TTC29: variants seen among roughly 807,000 people sequenced by gnomAD.
TTC29 encodes tetratricopeptide repeat domain 29.
TTC29 carries 49 observed loss-of-function variants against 58.1 expected under a neutral mutation model. The observed-to-expected ratio is 0.84, with a 90% CI of 0.67 to 1.07. The LOEUF is 1.07. TTC29 is among the 50% of genes least tolerant of loss of function. TTC29 has a pLI of 0.00. For synonymous variants in TTC29, 209 were observed against 196.8 expected (o/e 1.06, Z -0.52); for missense variants, 582 against 555.6 (o/e 1.05, Z -0.48).
rs183392107 is a variant in TTC29 at position 146,893,571 on chromosome 4, A to G, written c.586+9973T>C. ...AGACTTAAATGTTAGACCTGAAACC[A>G]TAAAAACCCTGGAAGAAAACCTAGG... On this transcript the variant is annotated intron_variant, in intron 6 of 12. Transcript: ENST00000325106. Among the ~76,000 whole-genome samples the G allele has an allele frequency of 1.3e-3, 194 of 152,326 alleles. 3 individuals carry two copies. Among genetic ancestry groups the G allele is most frequent in the Admixed American group, 0.012 (179 of 15,300 alleles).
At chr4:146,919,583 A>T (rs1001632285) in intron 4 of TTC29, among the ~76,000 whole-genome samples, 2 of 150,910 alleles carry the variant, frequency 1.3e-5, no homozygotes, top group Non-Finnish European at 3.0e-5. Flanking sequence ...TTAACAAAAA[A>T]CTCCATAGAA....
chr4:146,853,073 C>T (rs1579831790), intron 8 of TTC29, among the ~76,000 whole-genome samples: 1 of 151,934 alleles, frequency 6.6e-6, no homozygotes, highest in East Asian at 1.9e-4. Context: ...TATGTAAAAC[C>T]TATTAAAAAC....
Position 146,752,339 on chromosome 4 carries a change from A to AGGAATCCAACTT in TTC29, c.1331-44789_1331-44788insAAGTTGGATTCC, listed in dbSNP as rs1554009347. Among the ~76,000 whole-genome samples, 3 of 40,036 alleles carry AGGAATCCAACTT rather than the reference A, an allele frequency of 7.5e-5. 1 individual carries two copies. The African/African-American group carries it at 9.9e-4, about 13-fold the overall frequency. 26.3% of individuals were successfully genotyped at this position (40,036 alleles called of 152,430 possible). A position where few individuals can be genotyped will look rare whatever the true frequency, so the allele number is the denominator to read the frequency against. On this transcript the variant is annotated intron_variant, in intron 11 of 12. Coordinates refer to ENST00000325106, the MANE Select transcript of TTC29 (RefSeq NM_031956.4). The stretch of plus-strand genomic sequence containing the variant: ...ACAATTGCTTCAAACAGAATAAAAT[A>AGGAATCCAACTT]ACAAGGGATGTGAAGGACCTCTTCA...
In TTC29 at chr4:146,917,639, A is replaced by G. The variant is rs979017323; in HGVS notation, c.177-8390T>C. On this transcript the variant is annotated intron_variant, in intron 4 of 12. Coordinates refer to ENST00000325106, the MANE Select transcript of TTC29 (RefSeq NM_031956.4). Reference sequence around the variant, plus strand: ...TATATAATTAGATATTATATAAATTATATATTATATATTTATATAAAATTA... The same window carrying G: ...TATATAATTAGATATTATATAAATTGTATATTATATATTTATATAAAATTA... Among the ~76,000 whole-genome samples the G allele has an allele frequency of 2.3e-4, 34 of 145,040 alleles. No homozygotes were observed. In the East Asian group the frequency reaches 6.9e-3, roughly 30 times the overall value.
intron 11 of TTC29, among the ~76,000 whole-genome samples, chr4:146,727,007 C>T (rs141618904): frequency 2.0e-5 from 3 of 151,868 alleles, no homozygotes; most frequent in African/African-American, 7.2e-5. Context: ...CCTCTAGAGG[C>T]AACCACTGTT....
At chr4:146,716,391 T>C (rs892669770) in intron 11 of TTC29, among the ~76,000 whole-genome samples, 3 of 152,154 alleles carry the variant, frequency 2.0e-5, no homozygotes, top group Non-Finnish European at 2.9e-5. Context: ...CTCTGTACTT[T>C]AGAACAGAGA....
At chr4:146,852,286 A>C (rs992498881) in intron 8 of TTC29, among the ~76,000 whole-genome samples, 7 of 152,258 alleles carry the variant, frequency 4.6e-5, no homozygotes, top group Admixed American at 4.6e-4. Flanking sequence ...TAAGTGGAAC[A>C]GATGAGAATG....
chr4:146,788,098 C>T (rs961527333), intron 11 of TTC29, among the ~76,000 whole-genome samples: 1 of 152,184 alleles, frequency 6.6e-6, no homozygotes, highest in Non-Finnish European at 1.5e-5. Context: ...GATTCAGTAC[C>T]TACAAGTCAT....
rs776627507 is a variant in TTC29 at position 146,909,132 on chromosome 4, C to T, written c.294G>A (p.Ala98=). The T allele has an allele frequency of 6.2e-6, 10 of 1,613,868 alleles. No individual in the cohort carries two copies. Among genetic ancestry groups the T allele is most frequent in the East Asian group, 4.5e-5 (2 of 44,844 alleles). ...MERWDALREA[A]RVRSLFWLQK... ...GCAGCCAGAAGAGGGACCTGACTCT[C>T]GCAGCCTCCCTCAGGGCATCCCACC... Residue 98 remains alanine, a synonymous_variant, in exon 5 of 13, where the codon GCG becomes GCA. Coordinates refer to ENST00000325106, the MANE Select transcript of TTC29 (RefSeq NM_031956.4).
chr4:146,827,464 G>T (rs1384338242), intron 9 of TTC29, among the ~76,000 whole-genome samples: 1 of 152,114 alleles, frequency 6.6e-6, no homozygotes, highest in African/African-American at 2.4e-5. Flanking sequence ...AACCTCCCAA[G>T]GTTTGGAAAA....
In TTC29 at chr4:146,803,472, G is replaced by A. The variant is rs941373768; in HGVS notation, c.1315C>T (p.Pro439Ser). The change falls in exon 11 of 13, where the codon CCT becomes TCT. Residue 439 changes from proline to serine, a missense_variant. Pro to Ser is a moderately conservative substitution (Grantham distance 74). Coordinates refer to ENST00000325106, the MANE Select transcript of TTC29 (RefSeq NM_031956.4). ...AATGCCTTACCAGTAACTGGATCAG[G>A]TTCAATGTTACCTCTGCTCTCCTTC... ...SWKESRGNIEPDPVTEEFRGS... is the reference protein window; with the variant it reads ...SWKESRGNIESDPVTEEFRGS... 4.4e-6 allele frequency: 7 copies of A among 1,584,616 alleles called. No individual in the cohort carries two copies. The Admixed American group carries it at 1.1e-4, about 24-fold the overall frequency.
intron 11 of TTC29, among the ~76,000 whole-genome samples, chr4:146,790,827 G>A (rs1308400296): frequency 1.3e-5 from 2 of 152,182 alleles, no homozygotes; most frequent in African/African-American, 4.8e-5. Context: ...GTTCTGTATT[G>A]TAAAGCTTCC....
At position 146,902,733 on chromosome 4, in the gene TTC29, A is replaced by C. The variant is rs569853773; in HGVS notation, c.586+811T>G. On this transcript the variant is annotated intron_variant, in intron 6 of 12. Transcript: ENST00000325106. ...CTAGCACGCATGGTGGCTTCTGACA[A>C]TGTTCAGGCGCCTTGCGAGCTTTAG... is the stretch of plus-strand genomic sequence containing the variant. Among the ~76,000 whole-genome samples, 3 of 152,230 alleles carry C rather than the reference A, an allele frequency of 2.0e-5. No individual in the cohort carries two copies. The East Asian group carries it at 5.8e-4, about 29-fold the overall frequency.
At chr4:146,868,649 A>G (rs1730724463) in intron 7 of TTC29, among the ~76,000 whole-genome samples, 1 of 152,202 alleles carries the variant, frequency 6.6e-6, no homozygotes, top group South Asian at 2.1e-4. Context: ...TTTGGCAAAT[A>G]TATAACTTGC....
chr4:146,837,423 A>G (rs1328110195), intron 8 of TTC29, among the ~76,000 whole-genome samples: 2 of 152,050 alleles, frequency 1.3e-5, no homozygotes, highest in East Asian at 3.9e-4. Flanking sequence ...GTGATGAAAT[A>G]ATCTGTAAAA....
At chr4:146,847,042 C>T (rs1247131387) in intron 8 of TTC29, among the ~76,000 whole-genome samples, 1 of 152,168 alleles carries the variant, frequency 6.6e-6, no homozygotes, top group Non-Finnish European at 1.5e-5. Context: ...AAGTCTTCCA[C>T]TGAATGCTTT....
At chr4:146,767,126 A>G (rs185272724) in intron 11 of TTC29, among the ~76,000 whole-genome samples, 10 of 152,064 alleles carry the variant, frequency 6.6e-5, no homozygotes, top group African/African-American at 2.4e-4. Flanking sequence ...TTCTTTTATG[A>G]TCTTAGTGCA....
chr4:146,902,558 C>T (rs756322307), intron 6 of TTC29, among the ~76,000 whole-genome samples: 31 of 152,320 alleles, frequency 2.0e-4, no homozygotes, highest in Admixed American at 4.6e-4. Flanking sequence ...ACTGTTCCCT[C>T]TTCACAGAAT....
chr4:146,887,115 T>C (rs1034928131), intron 6 of TTC29, among the ~76,000 whole-genome samples: 2 of 152,150 alleles, frequency 1.3e-5, no homozygotes, highest in African/African-American at 4.8e-5. Context: ...CTATGCAAGA[T>C]GAATCAGTTC....
Sources: allele counts gnomAD v4.1 joint callset (sites outside exome capture counted in the v4.1 genomes callset), GRCh38; gene constraint gnomAD v4.1.1; transcripts MANE v1.5; gene names NCBI Gene and HGNC (gene_info 2026-07-23, HGNC 2026-07-21).